Variants in LIPI observed in about 807,000 individuals in gnomAD.
LIPI encodes the protein lipase I, also known as lipase member I.
In LIPI, 59 loss-of-function variants were observed where a neutral mutation model predicts 50.6. The observed-to-expected ratio is 1.16, with a 90% CI of 0.94 to 1.45. The LOEUF (loss-of-function observed/expected upper bound fraction) is 1.45. LIPI is among the 40% of genes most tolerant of loss of function. The probability of loss-of-function intolerance (pLI) is 0.00; values close to 1 mark genes in which losing one functional copy is unlikely to be tolerated. For synonymous variants in LIPI, 203 were observed against 178.2 expected, an observed-to-expected ratio of 1.14 and a Z score of -1.11; for missense variants, 586 against 536.3, an observed-to-expected ratio of 1.09 and a Z score of -0.92.
intron 4 of LIPI, among the ~76,000 whole-genome samples, chr21:14,172,061 T>A (rs368722677): frequency 6.6e-6 from 1 of 152,084 alleles, no homozygotes; most frequent in African/African-American, 2.4e-5. Context: ...GTGAAGGACA[T>A]GAACCAACAC....
chr21:14,147,301 G>A (rs932661822), intron 8 of LIPI, among the ~76,000 whole-genome samples: 3 of 152,008 alleles, frequency 2.0e-5, no homozygotes, highest in African/African-American at 7.2e-5. Flanking sequence ...TATACATTAT[G>A]ATTTATGTCA....
chr21:14,112,276 C>A (rs144683862), intron 9 of LIPI, among the ~76,000 whole-genome samples: 3 of 152,144 alleles, frequency 2.0e-5, no homozygotes, highest in African/African-American at 7.2e-5. Flanking sequence ...GGTGTGATGT[C>A]TCTAGCTTTG....
intron 3 of LIPI, among the ~76,000 whole-genome samples, chr21:14,184,871 G>A (rs755152017): frequency 6.6e-6 from 1 of 152,142 alleles, no homozygotes; most frequent in Non-Finnish European, 1.5e-5. Context: ...ACACATATTT[G>A]ATAACATTAA....
rs560256821 is a variant in LIPI at position 14,110,298 on chromosome 21, T to C, written c.1296-1218A>G. On this transcript the variant is annotated intron_variant, in intron 9 of 9. Transcript: ENST00000681601. ...CACATCTGTCCATTTAATATTCTCT[T>C]TTTTTTGCCATTAATATAGAGGCCC... 7.9e-5 allele frequency among the ~76,000 whole-genome samples: 12 copies of C among 151,852 alleles called. No individual in the cohort carries two copies. The South Asian group carries it at 2.3e-3, about 29-fold the overall frequency.
intron 1 of LIPI, among the ~76,000 whole-genome samples, chr21:14,203,942 C>T (rs1435759733): frequency 6.6e-6 from 1 of 151,900 alleles, no homozygotes; most frequent in Non-Finnish European, 1.5e-5. Context: ...CACAGGGACA[C>T]GAATGGAGCT....
chr21:14,176,729 T>C (rs1196676031), intron 4 of LIPI, among the ~76,000 whole-genome samples: 1 of 151,246 alleles, frequency 6.6e-6, no homozygotes. Context: ...TTCTTTTTTT[T>C]TTTGGTTACA....
intron 8 of LIPI, among the ~76,000 whole-genome samples, chr21:14,146,612 G>C (rs149769395): frequency 1.4e-3 from 210 of 152,080 alleles, no homozygotes; most frequent in African/African-American, 4.9e-3. Flanking sequence ...AAATCCAACT[G>C]TGGCCTCAAC....
intron 9 of LIPI, among the ~76,000 whole-genome samples, chr21:14,116,317 A>T (rs1362241028): frequency 6.6e-6 from 1 of 152,090 alleles, no homozygotes; most frequent in Non-Finnish European, 1.5e-5. Context: ...AGCCAGACCT[A>T]GGTCAGTGCG....
chr21:14,195,375 C>T (rs573073913), intron 1 of LIPI, among the ~76,000 whole-genome samples: 813 of 70,690 alleles, frequency 0.012, 11 homozygotes, highest in African/African-American at 0.079. Context: ...AGTAGGAAGA[C>T]CTTAATAAAT....
At chr21:14,118,470 A>G (rs144242377) in intron 9 of LIPI, among the ~76,000 whole-genome samples, 165 of 152,242 alleles carry the variant, frequency 1.1e-3, no homozygotes, top group African/African-American at 3.6e-3. Flanking sequence ...ATATTTGCCA[A>G]ACTGCCCAGT....
At chr21:14,109,534 A>G (rs1191765014) in intron 9 of LIPI, among the ~76,000 whole-genome samples, 2 of 152,070 alleles carry the variant, frequency 1.3e-5, no homozygotes, top group African/African-American at 2.4e-5. Flanking sequence ...AAAGTATTCT[A>G]TATCTTGGAC....
intron 1 of LIPI, among the ~76,000 whole-genome samples, chr21:14,210,483 C>T (rs2020333800): frequency 6.6e-6 from 1 of 151,604 alleles, no homozygotes; most frequent in African/African-American, 2.4e-5. Flanking sequence ...AAATTAATTT[C>T]TCCATTACTG....
At chr21:14,202,451 T>G (rs371451520) in intron 1 of LIPI, among the ~76,000 whole-genome samples, 2 of 147,622 alleles carry the variant, frequency 1.4e-5, no homozygotes, top group African/African-American at 2.5e-5. Context: ...GGCTACAGTA[T>G]CCAAAACAGC....
intron 1 of LIPI, among the ~76,000 whole-genome samples, chr21:14,202,053 G>A (rs1360063420): frequency 6.6e-6 from 1 of 152,108 alleles, no homozygotes; most frequent in African/African-American, 2.4e-5. Context: ...CAGACAAACA[G>A]AGAGGCAAAT....
intron 9 of LIPI, among the ~76,000 whole-genome samples, chr21:14,111,296 G>T (rs1482643429): frequency 6.6e-6 from 1 of 151,958 alleles, no homozygotes; most frequent in Non-Finnish European, 1.5e-5. Context: ...CAGTCATGAG[G>T]TGATAGCTCA....
At chr21:14,184,011 A>G (rs533252017) in intron 3 of LIPI, among the ~76,000 whole-genome samples, 2 of 152,342 alleles carry the variant, frequency 1.3e-5, no homozygotes, top group Admixed American at 1.3e-4. Flanking sequence ...ATGCTGCTAT[A>G]AAGACACATG....
chr21:14,179,190 C>A (rs1294415658), intron 4 of LIPI, among the ~76,000 whole-genome samples: 3 of 151,860 alleles, frequency 2.0e-5, no homozygotes, highest in African/African-American at 4.8e-5. Context: ...ATTTGAAAGG[C>A]CACATGGCTT....
At position 14,115,741 on chromosome 21, in the gene LIPI, C is replaced by T. The variant is rs115325177; in HGVS notation, c.1296-6661G>A. 3.7e-3 allele frequency among the ~76,000 whole-genome samples: 561 copies of T among 152,142 alleles called. 4 individuals carry two copies. Among genetic ancestry groups the T allele is most frequent in the African/African-American group, 0.013 (531 of 41,484 alleles). ...GTTGCAGGAGAGTCACAGAGCAGTG[C>T]GCAGGCAGACTACTGAACCAAGGTA... On this transcript the variant is annotated intron_variant, in intron 9 of 9. Transcript: ENST00000681601.
intron 9 of LIPI, among the ~76,000 whole-genome samples, chr21:14,110,604 C>A (rs138511638): frequency 6.6e-6 from 1 of 151,786 alleles, no homozygotes; most frequent in Non-Finnish European, 1.5e-5. Context: ...AATTTTCTAT[C>A]CTTTGACCAA....
Sources: gnomAD v4.1 joint callset for allele counts (sites outside exome capture counted in the v4.1 genomes callset) on GRCh38, gnomAD v4.1.1 for gene constraint, MANE v1.5 for transcripts, NCBI Gene and HGNC (gene_info 2026-07-23, HGNC 2026-07-21) for gene names.